The following PRKG2 variants were observed in gnomAD, a reference collection of about 807,000 sequenced individuals.
PRKG2 encodes the protein cGMP-dependent protein kinase 2.
A neutral mutation model predicts 97.2 loss-of-function variants in PRKG2; 33 were observed. That is an observed-to-expected ratio of 0.34 (90% CI 0.26 to 0.45). PRKG2 has a LOEUF of 0.45. PRKG2 is among the 20% of genes least tolerant of loss of function. The pLI, the probability that PRKG2 is intolerant of heterozygous loss-of-function variation, is 1.00. For missense variants in PRKG2, 638 were observed against 900.0 expected (o/e 0.71, Z 3.73); for synonymous variants, 330 against 321.8 (o/e 1.03, Z -0.27).
intron 2 of PRKG2, among the ~76,000 whole-genome samples, chr4:81,198,169 C>CAACT (rs1415204601): frequency 6.6e-6 from 1 of 152,146 alleles, no homozygotes; most frequent in Non-Finnish European, 1.5e-5. Context: ...TAACGCCTAG[C>CAACT]AACTAAGACT....
chr4:81,123,061 T>C (rs1411348403), intron 14 of PRKG2, among the ~76,000 whole-genome samples: 1 of 152,250 alleles, frequency 6.6e-6, no homozygotes, highest in East Asian at 1.9e-4. Flanking sequence ...AACAATATTC[T>C]ACAAGCCCAT....
intron 2 of PRKG2, among the ~76,000 whole-genome samples, chr4:81,181,921 TGAGCCAA>T (rs1202006327): frequency 6.6e-6 from 1 of 151,772 alleles, no homozygotes; most frequent in East Asian, 1.9e-4. Context: ...CTACCAAACC[TGAGCCAA>T]GAGGAAATAG....
intron 18 of PRKG2, among the ~76,000 whole-genome samples, chr4:81,091,581 C>T (rs1741541047): frequency 6.6e-6 from 1 of 152,118 alleles, no homozygotes; most frequent in African/African-American, 2.4e-5. Context: ...CCATGCCTGG[C>T]CTAGTGTTTT....
intron 9 of PRKG2, among the ~76,000 whole-genome samples, chr4:81,145,898 C>T (rs1309547648): frequency 1.3e-5 from 2 of 152,282 alleles, no homozygotes; most frequent in East Asian, 1.9e-4. Context: ...GCTGTCTCAA[C>T]TTACTGCCTC....
rs1186764754 is a variant in PRKG2 at position 81,153,714 on chromosome 4, T to C, written c.920A>G (p.Tyr307Cys). Residue 307 changes from tyrosine to cysteine, a missense_variant, in exon 7 of 19, where the codon TAT (tyrosine) becomes TGT (cysteine). Transcript: ENST00000264399. Reference sequence around the variant, plus strand: ...TCTAATGATGTAATCTCCTTTGTCATAGTATTCCTGTTGGGATGAGAGAGA... The same window carrying C: ...TCTAATGATGTAATCTCCTTTGTCACAGTATTCCTGTTGGGATGAGAGAGA... ...KIIDCLEVEY[Y>C]DKGDYIIREG... 1.9e-6 allele frequency: 3 copies of C among 1,604,248 alleles called. No individual in the cohort carries two copies. Among genetic ancestry groups the C allele is most frequent in the Non-Finnish European group, 2.6e-6 (3 of 1,171,332 alleles).
chr4:81,149,849 A>G (rs2110054191), intron 8 of PRKG2, among the ~76,000 whole-genome samples: 1 of 152,246 alleles, frequency 6.6e-6, no homozygotes, highest in East Asian at 1.9e-4. Flanking sequence ...TTATCGCACA[A>G]AGTGTATTTC....
Position 81,204,604 on chromosome 4 carries a change from T to C in PRKG2, c.444A>G (p.Arg148=), listed in dbSNP as rs1578523790. The C allele has an allele frequency of 1.2e-5, 19 of 1,613,660 alleles. No individual in the cohort carries two copies. In the East Asian group the frequency reaches 3.1e-4, roughly 26 times the overall value. The change falls in exon 2 of 19, where the codon AGA becomes AGG. Residue 148 remains arginine (R), a synonymous_variant. Transcript: ENST00000264399. ...TTTCTTACCTGGAGTCTTTTCTGAC[T>C]CTTGCTTTCTCAAAGGAAAATTCAG... The part of the protein sequence containing the change: ...KPPEFSFEKA[R]VRKDSSEKKL...
At chr4:81,207,674 G>T (rs1243764627) in intron 1 of PRKG2, among the ~76,000 whole-genome samples, 2 of 152,160 alleles carry the variant, frequency 1.3e-5, no homozygotes, top group Non-Finnish European at 2.9e-5. Flanking sequence ...TTATCCTCTG[G>T]TTTAGTTGGA....
At chr4:81,156,689 T>A (rs1749129089) in intron 6 of PRKG2, among the ~76,000 whole-genome samples, 1 of 152,138 alleles carries the variant, frequency 6.6e-6, no homozygotes, top group Non-Finnish European at 1.5e-5. Flanking sequence ...AGTAAAGCTC[T>A]CCTCAGCAAA....
chr4:81,129,869 T>G (rs377701776), intron 14 of PRKG2, among the ~76,000 whole-genome samples: 1 of 152,198 alleles, frequency 6.6e-6, no homozygotes, highest in Non-Finnish European at 1.5e-5. Flanking sequence ...TTTGATCCTG[T>G]CATTATGATG....
At chr4:81,178,998 G>A (rs571728642) in intron 2 of PRKG2, among the ~76,000 whole-genome samples, 2 of 152,000 alleles carry the variant, frequency 1.3e-5, no homozygotes, top group East Asian at 1.9e-4. Flanking sequence ...GGTGGCAGGC[G>A]CCTGTAGTCC....
intron 7 of PRKG2, among the ~76,000 whole-genome samples, chr4:81,152,351 G>A (rs1193634346): frequency 6.6e-6 from 1 of 152,116 alleles, no homozygotes; most frequent in Non-Finnish European, 1.5e-5. Context: ...GATTCCTTCT[G>A]AGAGATCCAC....
intron 2 of PRKG2, among the ~76,000 whole-genome samples, chr4:81,176,756 C>T (rs1028101405): frequency 6.6e-6 from 1 of 152,174 alleles, no homozygotes; most frequent in African/African-American, 2.4e-5. Context: ...TCTGGAGCTT[C>T]AATGTCCTCT....
chr4:81,175,845 T>C (rs901781852), intron 2 of PRKG2, among the ~76,000 whole-genome samples: 2 of 152,186 alleles, frequency 1.3e-5, no homozygotes, highest in African/African-American at 4.8e-5. Flanking sequence ...TATGTAGATA[T>C]CATAAAATTA....
At chr4:81,143,977 C>G (rs1747552192) in intron 10 of PRKG2, among the ~76,000 whole-genome samples, 1 of 152,078 alleles carries the variant, frequency 6.6e-6, no homozygotes, top group Non-Finnish European at 1.5e-5. Context: ...TTGTAAGGCC[C>G]TGGATTAGAA....
intron 14 of PRKG2, among the ~76,000 whole-genome samples, chr4:81,133,293 A>G (rs1746354072): frequency 6.6e-6 from 1 of 152,044 alleles, no homozygotes; most frequent in Non-Finnish European, 1.5e-5. Flanking sequence ...TACAAATTTG[A>G]TATTTTTTTC....
chr4:81,198,792 C>T (rs1753118447), intron 2 of PRKG2, among the ~76,000 whole-genome samples: 1 of 152,188 alleles, frequency 6.6e-6, no homozygotes, highest in African/African-American at 2.4e-5. Flanking sequence ...TATGTAATAG[C>T]CAACCAATAA....
chr4:81,187,169 C>CA (rs753573586), intron 2 of PRKG2, among the ~76,000 whole-genome samples: 33 of 151,938 alleles, frequency 2.2e-4, no homozygotes, highest in Non-Finnish European at 3.8e-4. Context: ...AGAGACACAA[C>CA]AAAAAAAGAA....
chr4:81,156,778 A>G (rs1471807748), intron 6 of PRKG2, among the ~76,000 whole-genome samples: 1 of 152,204 alleles, frequency 6.6e-6, no homozygotes, highest in African/African-American at 2.4e-5. Context: ...TAAGAATCTC[A>G]CTCAAAACCG....
Sources: allele counts gnomAD v4.1 joint callset (sites outside exome capture counted in the v4.1 genomes callset), GRCh38; gene constraint gnomAD v4.1.1; transcripts MANE v1.5; gene names NCBI Gene and HGNC (gene_info 2026-07-23, HGNC 2026-07-21).